The following TAF4 variants were observed in gnomAD, a reference collection of about 807,000 sequenced individuals.
TAF4 encodes the protein TATA-box binding protein associated factor 4, also known as transcription initiation factor TFIID subunit 4.
In TAF4, 9 loss-of-function variants were observed where a neutral mutation model predicts 90.3. That is an observed-to-expected ratio of 0.10 (90% CI 0.06 to 0.17). The LOEUF (loss-of-function observed/expected upper bound fraction) is 0.17, where lower values mean the gene tolerates loss of function less well. Among genes scored for constraint, TAF4 ranks in the 10% least tolerant of loss-of-function variants. The pLI, the probability that TAF4 is intolerant of heterozygous loss-of-function variation, is 1.00. For synonymous variants in TAF4, 818 were observed against 638.9 expected, an observed-to-expected ratio of 1.28 and a Z score of -4.23; for missense variants, 1,351 against 1,370.7, an observed-to-expected ratio of 0.99 and a Z score of 0.23.
chr20:62,006,489 A>G lies in TAF4; in HGVS notation c.2223+21T>C, dbSNP rs1293229791. Reference sequence around the variant, plus strand: ...AGAGGCACGGTGGGCTGTGCAGACCAGTCAGGCGCCCCTTCCATACCAGCG... The same window carrying G: ...AGAGGCACGGTGGGCTGTGCAGACCGGTCAGGCGCCCCTTCCATACCAGCG... On this transcript the variant is annotated intron_variant, in intron 7 of 14. Coordinates refer to ENST00000252996, the MANE Select transcript of TAF4 (RefSeq NM_003185.4). This position sits in a 1 kb window ranked among gnomAD's most constrained non-coding sequence, Gnocchi z 7.0. The G allele has an allele frequency of 2.0e-5, 29 of 1,480,170 alleles. No homozygotes were observed. The highest frequency in any genetic ancestry group is 2.5e-5 in the Non-Finnish European group (28 of 1,114,740). The allele number at this position is 1,480,170 out of a possible 1,614,324, so 91.7% of individuals were successfully genotyped here.
At chr20:62,056,181 A>T (rs998108374) in intron 1 of TAF4, among the ~76,000 whole-genome samples, 3 of 152,164 alleles carry the variant, frequency 2.0e-5, no homozygotes, top group Non-Finnish European at 4.4e-5. Context: ...AGGTTGCAGT[A>T]AGCTGAGATT....
intron 1 of TAF4, among the ~76,000 whole-genome samples, chr20:62,053,530 C>T (rs1479398040): frequency 6.6e-6 from 1 of 152,236 alleles, no homozygotes; most frequent in African/African-American, 2.4e-5. Context: ...CCACGAGCGA[C>T]GTTTATGCTG....
At position 62,003,144 on chromosome 20, in the gene TAF4, C is replaced by T. The variant is rs755407939; in HGVS notation, c.2486+16G>A. 1 of 1,605,624 alleles carries T rather than the reference C, an allele frequency of 6.2e-7. No individual in the cohort carries two copies. The highest frequency in any genetic ancestry group is 1.1e-5 in the South Asian group (1 of 90,910). On this transcript the variant is annotated intron_variant, in intron 9 of 14. Transcript: ENST00000252996. ...TCTGGCCACGCTTCTCCAACGTACA[C>T]AGGCCCATTCCTTACCGAAACGAAC...
intron 14 of TAF4, chr20:61,978,818 C>A (rs1474607594): frequency 6.5e-6 from 1 of 153,658 alleles, no homozygotes; most frequent in Non-Finnish European, 1.5e-5. Flanking sequence ...CTGCACCAAG[C>A]TCTGAAGGTG....
chr20:62,003,091 G>T, intron 9 of TAF4, 69 bp downstream of exon 9: 2 of 1,375,004 alleles, frequency 1.5e-6, no homozygotes, highest in Non-Finnish European at 1.0e-6. Context: ...CGGGAATGGA[G>T]CAGCACGGAC....
intron 14 of TAF4, among the ~76,000 whole-genome samples, chr20:61,990,665 C>A (rs1194351809): frequency 6.6e-6 from 1 of 152,170 alleles, no homozygotes; most frequent in Non-Finnish European, 1.5e-5. Context: ...AATGCCCACA[C>A]TGACCTGCCA....
At chr20:62,018,869 G>A (rs1364230029) in intron 1 of TAF4, among the ~76,000 whole-genome samples, 2 of 152,226 alleles carry the variant, frequency 1.3e-5, no homozygotes, top group Non-Finnish European at 2.9e-5. Context: ...TGACGGGATG[G>A]GGCATAGCCC....
Position 62,006,806 on chromosome 20 carries a change from G to A in TAF4, c.1975-48C>T, listed in dbSNP as rs567110556. 33 of 1,417,084 alleles carry A rather than the reference G, an allele frequency of 2.3e-5. No homozygotes were observed. The highest frequency in any genetic ancestry group is 4.4e-5 in the African/African-American group (3 of 67,870). 87.8% of individuals were successfully genotyped at this position (1,417,084 alleles called of 1,614,324 possible). A position where few individuals can be genotyped will look rare whatever the true frequency, so the allele number is the denominator to read the frequency against. ...GGGGTCAGGCGGCTGCTCATGCGTC[G>A]GTTTTCCTTGCTTAAAAATTCAGAA... On this transcript the variant is annotated intron_variant, in intron 6 of 14. Transcript: ENST00000252996. The surrounding 1 kb of genome is among the most constrained non-coding windows in gnomAD (Gnocchi z 7.0).
chr20:62,028,316 G>A (rs1342444475), intron 1 of TAF4, among the ~76,000 whole-genome samples: 1 of 152,176 alleles, frequency 6.6e-6, no homozygotes, highest in Non-Finnish European at 1.5e-5. Context: ...AACTTTAAAT[G>A]GCTGAGGTAT....
chr20:61,976,033 G>A lies in TAF4; in HGVS notation c.*135C>T, dbSNP rs1568918066. ...GAAACGTGTTTTCTTTCACACTGAA[G>A]AGCTGATTTAGAAACAGGAATATAA... On this transcript the variant is annotated 3_prime_UTR_variant, in exon 15 of 15. Coordinates refer to ENST00000252996, the MANE Select transcript of TAF4 (RefSeq NM_003185.4). 3.2e-6 allele frequency: 3 copies of A among 925,116 alleles called. No homozygotes were observed. Among genetic ancestry groups the A allele is most frequent in the East Asian group, 5.1e-5 (2 of 39,496 alleles). The allele number at this position is 925,116 out of a possible 1,614,324, so 57.3% of individuals were successfully genotyped here. A position where few individuals can be genotyped will look rare whatever the true frequency, so the allele number is the denominator to read the frequency against.
Position 62,000,865 on chromosome 20 carries a change from G to A in TAF4, c.2487-144C>T, listed in dbSNP as rs1229589346. 10 of 787,316 alleles carry A rather than the reference G, an allele frequency of 1.3e-5. No individual in the cohort carries two copies. In the East Asian group the frequency reaches 2.6e-4, roughly 21 times the overall value. 48.8% of individuals were successfully genotyped at this position (787,316 alleles called of 1,614,324 possible). ...TGTCCTCCCCGCACCTGCACCTGCT[G>A]CATCTGCCACAGCAGAGAGGGTGCC... On this transcript the variant is annotated intron_variant, in intron 9 of 14. Transcript: ENST00000252996.
chr20:62,031,592 A>AGCCTCCCC (rs1332881037), intron 1 of TAF4, among the ~76,000 whole-genome samples: 2 of 151,982 alleles, frequency 1.3e-5, no homozygotes, highest in Non-Finnish European at 2.9e-5. Flanking sequence ...CCCACCTCCC[A>AGCCTCCCC]GCCTCCCCCT....
At chr20:61,977,260 C>T (rs577463407) in intron 14 of TAF4, among the ~76,000 whole-genome samples, 4 of 152,180 alleles carry the variant, frequency 2.6e-5, no homozygotes, top group South Asian at 4.2e-4. Context: ...CACACGACAC[C>T]GCCCAGCGGG....
At chr20:62,041,444 A>G (rs573015042) in intron 1 of TAF4, among the ~76,000 whole-genome samples, 3 of 152,260 alleles carry the variant, frequency 2.0e-5, no homozygotes, top group Admixed American at 2.0e-4. Context: ...CCTGGCTAAC[A>G]GGGTGAAACC....
intron 13 of TAF4, 82 bp from the exon 14 acceptor site, chr20:61,997,751 G>A (rs2055672339): frequency 6.9e-7 from 1 of 1,451,288 alleles, no homozygotes; most frequent in Non-Finnish European, 9.1e-7. Flanking sequence ...AGATATGAAA[G>A]GGTTTTCTGT....
intron 1 of TAF4, among the ~76,000 whole-genome samples, chr20:62,040,253 G>C (rs998501014): frequency 6.6e-6 from 1 of 152,164 alleles, no homozygotes; most frequent in African/African-American, 2.4e-5. Flanking sequence ...GATCACCTGC[G>C]GTCCAGCCGC....
At chr20:62,062,748 A>C (rs548679093) in intron 1 of TAF4, among the ~76,000 whole-genome samples, 4 of 152,302 alleles carry the variant, frequency 2.6e-5, no homozygotes, top group Admixed American at 6.5e-5. Context: ...GCCCTCTTCC[A>C]ACCACGTATT....
chr20:62,061,574 A>G (rs1233012135), intron 1 of TAF4, among the ~76,000 whole-genome samples: 1 of 152,176 alleles, frequency 6.6e-6, no homozygotes, highest in East Asian at 1.9e-4. Context: ...TTTACCTTAC[A>G]CCGATCTGAA....
At chr20:62,043,576 T>A (rs532930201) in intron 1 of TAF4, among the ~76,000 whole-genome samples, 15 of 152,180 alleles carry the variant, frequency 9.9e-5, no homozygotes, top group African/African-American at 3.6e-4. Context: ...CAACACCCAG[T>A]CCTGCAAGCG....
Sources: allele counts gnomAD v4.1 joint callset (sites outside exome capture counted in the v4.1 genomes callset), GRCh38; gene constraint gnomAD v4.1.1; non-coding constraint Gnocchi (gnomAD v3.1); transcripts MANE v1.5; gene names NCBI Gene and HGNC (gene_info 2026-07-23, HGNC 2026-07-21).